Variants in ITSN2 observed in about 807,000 individuals in gnomAD.
The protein encoded by ITSN2 is intersectin-2.
A neutral mutation model predicts 243.7 loss-of-function variants in ITSN2; 156 were observed. That is an observed-to-expected ratio of 0.64 (90% CI 0.56 to 0.73). The LOEUF (loss-of-function observed/expected upper bound fraction) is 0.73. ITSN2 is among the 30% of genes least tolerant of loss of function. ITSN2 has a pLI of 0.00. For synonymous variants in ITSN2, 703 were observed against 699.9 expected (o/e 1.00, Z -0.07); for missense variants, 1,801 against 1,996.1 (o/e 0.90, Z 1.86).
chr2:24,261,798 G>C (rs1317320999), intron 20 of ITSN2, 56 bp from the exon 21 acceptor site: 1 of 1,299,458 alleles, frequency 7.7e-7, no homozygotes, highest in Non-Finnish European at 1.1e-6. Flanking sequence ...ATTTACAATG[G>C]AAAGAGATGA....
chr2:24,308,535 T>C (rs1355133401), intron 8 of ITSN2, 82 bp downstream of exon 8: 3 of 902,646 alleles, frequency 3.3e-6, no homozygotes, highest in South Asian at 4.2e-5. Flanking sequence ...AGCTACACAA[T>C]ACAAATTCAA....
chr2:24,272,163 G>T (rs1273844169), intron 18 of ITSN2, among the ~76,000 whole-genome samples: 2 of 152,036 alleles, frequency 1.3e-5, no homozygotes, highest in Admixed American at 1.3e-4. Context: ...ATGCACTGGG[G>T]TGTATGACTG....
At position 24,308,770 on chromosome 2, in the gene ITSN2, T is replaced by A; in HGVS notation, c.654-14A>T. ...GAGGAAGTTGAGCTATAAAAAAATT[T>A]ATTTAAAATTTTTATGTTACTAAAT... On this transcript the variant is annotated splice_polypyrimidine_tract_variant and intron_variant, in intron 7 of 39. Transcript: ENST00000355123. 1 of 1,328,162 alleles carries A rather than the reference T, an allele frequency of 7.5e-7. No homozygotes were observed. The highest frequency in any genetic ancestry group is 9.8e-7 in the Non-Finnish European group (1 of 1,019,616). The allele number at this position is 1,328,162 out of a possible 1,614,324, so 82.3% of individuals were successfully genotyped here.
chr2:24,360,114 G>A (rs1432793903), intron 1 of ITSN2, among the ~76,000 whole-genome samples, 190 bp downstream of exon 1: 2 of 152,078 alleles, frequency 1.3e-5, no homozygotes, highest in Non-Finnish European at 2.9e-5. Flanking sequence ...CCCGGGGCCG[G>A]AGGTTTCCGC....
chr2:24,318,773 T>G (rs1478779765), intron 2 of ITSN2, among the ~76,000 whole-genome samples: 1 of 152,104 alleles, frequency 6.6e-6, no homozygotes, highest in Non-Finnish European at 1.5e-5. Flanking sequence ...GCTGGGCCAC[T>G]GAGGTAAAAG....
rs2151889970 is a variant in ITSN2, at chr2:24,337,337, T to TATATATATATAC, written c.-33-9223_-33-9222insGTATATATATAT. Among the ~76,000 whole-genome samples the TATATATATATAC allele has an allele frequency of 2.7e-5, 3 of 111,736 alleles. No individual in the cohort carries two copies. In the South Asian group the frequency reaches 8.1e-4, roughly 30 times the overall value. The allele number at this position is 111,736 out of a possible 152,430, so 73.3% of individuals were successfully genotyped here. The stretch of plus-strand genomic sequence containing the variant: ...CAAAATATATATATATATATATATA[T>TATATATATATAC]ATATATATATATATATGTAATTTTT... On this transcript the variant is annotated intron_variant, in intron 1 of 39. Coordinates refer to ENST00000355123, the MANE Select transcript of ITSN2 (RefSeq NM_006277.3).
chr2:24,337,323 T>TATATATACACATATATATATACATAC (rs745459301), intron 1 of ITSN2, among the ~76,000 whole-genome samples: 1 of 89,428 alleles, frequency 1.1e-5, no homozygotes, highest in African/African-American at 4.7e-5. Flanking sequence ...AAAATATATA[T>TATATATACACATATATATATACATAC]ATATATATAT....
chr2:24,305,270 T>G (rs1682346812), intron 8 of ITSN2, among the ~76,000 whole-genome samples: 1 of 151,810 alleles, frequency 6.6e-6, no homozygotes, highest in African/African-American at 2.4e-5. Flanking sequence ...TTTTAAAAAC[T>G]ATGTTTAGGG....
chr2:24,204,707 G>C lies in ITSN2; in HGVS notation c.4763-289C>G, dbSNP rs887439714. On this transcript the variant is annotated intron_variant, in intron 38 of 39. Coordinates refer to ENST00000355123, the MANE Select transcript of ITSN2 (RefSeq NM_006277.3). The surrounding 1 kb of genome is among the most constrained non-coding windows in gnomAD (Gnocchi z 5.1). ...ACTGCAACCTGCTGCATGCTTCCTCGGCGCAGACACACTCGGGAAGGCGGG... is the reference window on the plus strand; with the variant it reads ...ACTGCAACCTGCTGCATGCTTCCTCCGCGCAGACACACTCGGGAAGGCGGG... 2 of 564,210 alleles carry C rather than the reference G, an allele frequency of 3.5e-6. No individual in the cohort carries two copies. The highest frequency in any genetic ancestry group is 1.5e-5 in the South Asian group (1 of 65,528). The allele number at this position is 564,210 out of a possible 1,614,324, so 35.0% of individuals were successfully genotyped here.
At chr2:24,237,005 G>A (rs561577696) in intron 29 of ITSN2, among the ~76,000 whole-genome samples, 2 of 151,920 alleles carry the variant, frequency 1.3e-5, no homozygotes, top group South Asian at 4.2e-4. Flanking sequence ...TTGTTTCACT[G>A]GTATGAGTAA....
At chr2:24,286,951 T>C (rs922486119) in intron 15 of ITSN2, among the ~76,000 whole-genome samples, 19 of 152,182 alleles carry the variant, frequency 1.2e-4, no homozygotes, top group Non-Finnish European at 2.2e-4. Context: ...CAGAATACAT[T>C]ACAATAAATT....
In ITSN2 at chr2:24,315,136, T is replaced by TATG; in HGVS notation, c.117_119dup (p.Ile40dup). 1 of 1,575,608 alleles carries TATG rather than the reference T, an allele frequency of 6.3e-7. No individual in the cohort carries two copies. The highest frequency in any genetic ancestry group is 8.7e-7 in the Non-Finnish European group (1 of 1,146,996). ...AAACTAATTATAAATACAAACCTGT[T>TATG]ATGTAACCTCCTGAAGGTTTGAGGT... On this transcript the variant is annotated inframe_insertion, in exon 3 of 40. Transcript: ENST00000355123.
At chr2:24,329,795 T>C (rs960008664) in intron 1 of ITSN2, among the ~76,000 whole-genome samples, 2 of 152,212 alleles carry the variant, frequency 1.3e-5, no homozygotes, top group East Asian at 3.8e-4. Context: ...AGGCATTAAG[T>C]AGTACATACA....
rs1277820765 is a variant in ITSN2, at chr2:24,300,095, C to T, written c.1158G>A (p.Met386Ile). 3.7e-6 allele frequency: 6 copies of T among 1,613,992 alleles called. No homozygotes were observed. Among genetic ancestry groups the T allele is most frequent in the Non-Finnish European group, 4.2e-6 (5 of 1,180,018 alleles). ...GTTCTGCCTCCCTTTGTTGCTGCTC[C>T]ATCAAGGCTTGGCGTCGCTTTTCCA... ...MELEKRRQAL[M>I]EQQQREAERK... The change falls in exon 12 of 40, where the codon ATG (methionine) becomes ATA (isoleucine). Residue 386 changes from methionine to isoleucine, a missense_variant. By Grantham distance (10) the Met-to-Ile change is conservative. This residue lies in a region of ITSN2 where 787 missense variants were observed against 803.9 expected (regional missense o/e 0.98). Transcript: ENST00000355123.
intron 1 of ITSN2, among the ~76,000 whole-genome samples, chr2:24,347,229 C>A (rs1687618794): frequency 6.6e-6 from 1 of 151,862 alleles, no homozygotes; most frequent in African/African-American, 2.4e-5. Context: ...TACAGTTTTA[C>A]CAATATTAGA....
chr2:24,286,880 T>C (rs1679568594), intron 15 of ITSN2, among the ~76,000 whole-genome samples: 1 of 152,216 alleles, frequency 6.6e-6, no homozygotes, highest in South Asian at 2.1e-4. Flanking sequence ...GGTTTCATTT[T>C]ATATTATCTT....
intron 2 of ITSN2, among the ~76,000 whole-genome samples, chr2:24,319,484 C>G (rs893783894): frequency 6.6e-6 from 1 of 152,166 alleles, no homozygotes; most frequent in Admixed American, 6.6e-5. Flanking sequence ...TCAGGAACAT[C>G]AGGAATGACC....
intron 1 of ITSN2, among the ~76,000 whole-genome samples, chr2:24,341,696 T>G (rs1345137074): frequency 6.6e-6 from 1 of 152,096 alleles, no homozygotes. Context: ...GTCAACATGG[T>G]GAAACCCTGT....
chr2:24,205,513 G>A (rs140009500), intron 37 of ITSN2: 27 of 500,610 alleles, frequency 5.4e-5, no homozygotes, highest in East Asian at 3.6e-4. Context: ...TTCTCTGCCC[G>A]TCAGCATCCT....
Sources: allele counts gnomAD v4.1 joint callset (sites outside exome capture counted in the v4.1 genomes callset), GRCh38; gene constraint gnomAD v4.1.1; regional missense constraint gnomAD v4.1.1; non-coding constraint Gnocchi (gnomAD v3.1); transcripts MANE v1.5; gene names NCBI Gene and HGNC (gene_info 2026-07-23, HGNC 2026-07-21).